The following GYPE variants were observed in gnomAD, a reference collection of about 807,000 sequenced individuals.
GYPE encodes glycophorin E (MNS blood group).
In GYPE, 8 loss-of-function variants were observed where a neutral mutation model predicts 11.6. The observed-to-expected ratio is 0.69, with a 90% confidence interval of 0.41 to 1.25. The LOEUF is 1.25. Ranked by LOEUF, GYPE falls within the 50% of genes most tolerant of loss-of-function variation. The pLI is 0.01. For synonymous variants in GYPE, 28 were observed against 29.6 expected (o/e 0.94, Z 0.18); for missense variants, 90 against 92.8 (o/e 0.97, Z 0.12).
chr4:143,894,830 G>C (rs1431898478), intron 1 of GYPE, among the ~76,000 whole-genome samples: 1 of 151,886 alleles, frequency 6.6e-6, no homozygotes, highest in Non-Finnish European at 1.5e-5. Context: ...TTCATCCCTG[G>C]GATGCAAGGC....
intron 1 of GYPE, among the ~76,000 whole-genome samples, chr4:143,881,285 C>T (rs983731227): frequency 5.9e-5 from 9 of 151,496 alleles, no homozygotes; most frequent in African/African-American, 1.2e-4. Context: ...TGAATTATTT[C>T]TGTAATTAAA....
chr4:143,903,537 A>AAG (rs1553989197), intron 1 of GYPE, among the ~76,000 whole-genome samples: 4 of 149,514 alleles, frequency 2.7e-5, no homozygotes, highest in East Asian at 3.9e-4. Context: ...AAAAAAAAAA[A>AAG]AAAAAGAAAA....
At chr4:143,896,680 T>C (rs903100204) in intron 1 of GYPE, among the ~76,000 whole-genome samples, 4 of 152,134 alleles carry the variant, frequency 2.6e-5, no homozygotes, top group African/African-American at 7.2e-5. Context: ...GGACTATAAA[T>C]CATGCTGCTA....
chr4:143,880,370 G>A (rs201534364), intron 2 of GYPE, 41 bp downstream of exon 2: 3 of 1,613,216 alleles, frequency 1.9e-6, no homozygotes, highest in East Asian at 2.2e-5. Context: ...TCACAAAAAC[G>A]ATTTCGGAGC....
chr4:143,900,142 C>T (rs1233739017), intron 1 of GYPE, among the ~76,000 whole-genome samples: 2 of 151,368 alleles, frequency 1.3e-5, no homozygotes, highest in Non-Finnish European at 2.9e-5. Flanking sequence ...GGACTAGAAC[C>T]AACATTTCTC....
intron 3 of GYPE, chr4:143,875,440 T>G: frequency 6.5e-7 from 1 of 1,550,310 alleles, no homozygotes; most frequent in South Asian, 1.2e-5. Flanking sequence ...CCAGTTTGCA[T>G]AAGCAAGAGA....
intron 1 of GYPE, among the ~76,000 whole-genome samples, chr4:143,893,273 G>C (rs1410186819): frequency 7.1e-6 from 1 of 140,220 alleles, no homozygotes; most frequent in Admixed American, 7.5e-5. Flanking sequence ...CAATTTGCCA[G>C]TCTGTGTCTT....
At chr4:143,882,509 C>G (rs1744078975) in intron 1 of GYPE, among the ~76,000 whole-genome samples, 1 of 152,032 alleles carries the variant, frequency 6.6e-6, no homozygotes, top group Non-Finnish European at 1.5e-5. Flanking sequence ...ATAGGTTTAG[C>G]TATGAAAGTG....
chr4:143,897,196 G>A (rs1744685622), intron 1 of GYPE, among the ~76,000 whole-genome samples: 1 of 152,020 alleles, frequency 6.6e-6, no homozygotes. Context: ...AGGTGTGGTG[G>A]GTCGTGCCTG....
chr4:143,894,389 C>G (rs1407092980), intron 1 of GYPE, among the ~76,000 whole-genome samples: 2 of 151,962 alleles, frequency 1.3e-5, no homozygotes, highest in Non-Finnish European at 2.9e-5. Context: ...AGGTGCTCTG[C>G]TTTTTAGAGT....
intron 3 of GYPE, chr4:143,873,239 T>G: frequency 3.4e-6 from 1 of 296,608 alleles, no homozygotes; most frequent in Non-Finnish European, 6.7e-6. Flanking sequence ...ATATACAGCA[T>G]TTTTATGCTT....
chr4:143,891,329 C>T lies in GYPE; in HGVS notation c.38-10820G>A, dbSNP rs141737474. Among the ~76,000 whole-genome samples the T allele has an allele frequency of 9.8e-4, 115 of 117,896 alleles. 31 individuals are homozygous for T. The highest frequency in any genetic ancestry group is 1.1e-3 in the African/African-American group (35 of 32,598). 77.3% of individuals were successfully genotyped at this position (117,896 alleles called of 152,430 possible). A position where few individuals can be genotyped will look rare whatever the true frequency, so the allele number is the denominator to read the frequency against. ...ATTATTATTTTGATTTTTTTTGTTT[C>T]TTTTTTTTTTTTTTTTTGAGACAGA... On this transcript the variant is annotated intron_variant, in intron 1 of 3. Coordinates refer to ENST00000358615, the MANE Select transcript of GYPE (RefSeq NM_198682.3).
At chr4:143,873,553 T>C in intron 3 of GYPE, 1 of 440,090 alleles carries the variant, frequency 2.3e-6, no homozygotes, top group Non-Finnish European at 4.5e-6. Context: ...TAACATATTC[T>C]CTAATATATG....
chr4:143,905,208 T>A (rs1437909663), intron 1 of GYPE, among the ~76,000 whole-genome samples: 1 of 152,212 alleles, frequency 6.6e-6, no homozygotes, highest in Non-Finnish European at 1.5e-5. Context: ...TTTGATAAAA[T>A]TAGTTTAATT....
At chr4:143,872,554 G>A (rs1411021399) in intron 3 of GYPE, among the ~76,000 whole-genome samples, 13 of 152,000 alleles carry the variant, frequency 8.6e-5, no homozygotes, top group East Asian at 1.9e-4. Flanking sequence ...ATGGGAAGGA[G>A]GGAAGAAGAC....
rs542701833 is a variant in GYPE, at chr4:143,880,301, G to A, written c.136+110C>T. 1.0e-3 allele frequency: 1,549 copies of A among 1,553,346 alleles called. 9 individuals are homozygous for A. The African/African-American group carries it at 0.019, about 19-fold the overall frequency. ...TTAGTAGGCTGTGTCTACTTAGCTCGCATTTCTCAGTGTTTGTCAGTTTCT... is the reference window on the plus strand; with the variant it reads ...TTAGTAGGCTGTGTCTACTTAGCTCACATTTCTCAGTGTTTGTCAGTTTCT... On this transcript the variant is annotated intron_variant, in intron 2 of 3. Transcript: ENST00000358615.
chr4:143,880,545 C>A (rs181185944), intron 1 of GYPE, 36 bp from the exon 2 acceptor site: 3 of 1,613,194 alleles, frequency 1.9e-6, no homozygotes, highest in South Asian at 2.2e-5. Flanking sequence ...GGATTAAGAA[C>A]GAGGTGACTG....
At chr4:143,895,856 A>G (rs1744608935) in intron 1 of GYPE, among the ~76,000 whole-genome samples, 1 of 152,126 alleles carries the variant, frequency 6.6e-6, no homozygotes, top group Admixed American at 6.5e-5. Flanking sequence ...AACGCCGCAC[A>G]TCTACAACTC....
At chr4:143,891,902 T>C (rs540704191) in intron 1 of GYPE, among the ~76,000 whole-genome samples, 2 of 152,276 alleles carry the variant, frequency 1.3e-5, no homozygotes, top group South Asian at 2.1e-4. Context: ...TTCCTCCTTG[T>C]ACCTCTGGTA....
Sources: gnomAD v4.1 joint callset for allele counts (sites outside exome capture counted in the v4.1 genomes callset) on GRCh38, gnomAD v4.1.1 for gene constraint, MANE v1.5 for transcripts, NCBI Gene and HGNC (gene_info 2026-07-23, HGNC 2026-07-21) for gene names.